The following RYR2 variants were observed in gnomAD, a reference collection of about 807,000 sequenced individuals.
RYR2 encodes ryanodine receptor 2, also known as cardiac muscle ryanodine receptor-calcium release channel.
In RYR2, 227 loss-of-function variants were observed where a neutral mutation model predicts 601.1. That is an observed-to-expected ratio of 0.38 (90% CI 0.34 to 0.42). The LOEUF (loss-of-function observed/expected upper bound fraction) is 0.42, where lower values mean the gene tolerates loss of function less well. RYR2 is among the 10% of genes least tolerant of loss of function. The pLI is 1.00. For missense variants in RYR2, 4,646 were observed against 6,156.5 expected (o/e 0.75, Z 8.21); for synonymous variants, 2,223 against 2,175.1 (o/e 1.02, Z -0.61).
chr1:237,395,232 A>G (rs999607781), intron 10 of RYR2, among the ~76,000 whole-genome samples: 4 of 152,208 alleles, frequency 2.6e-5, no homozygotes, highest in Admixed American at 2.6e-4. Flanking sequence ...TAAAACTTAG[A>G]TGGTAGAAAA....
At chr1:237,430,551 TGA>T (rs1706704194) in intron 12 of RYR2, among the ~76,000 whole-genome samples, 4 of 152,234 alleles carry the variant, frequency 2.6e-5, no homozygotes, top group Admixed American at 2.0e-4. Flanking sequence ...GGAAGCTGTA[TGA>T]GAATATGAAG....
At chr1:237,276,691 A>C (rs1054174958) in intron 2 of RYR2, among the ~76,000 whole-genome samples, 2 of 152,172 alleles carry the variant, frequency 1.3e-5, no homozygotes, top group Non-Finnish European at 2.9e-5. Context: ...GTCATAAGGG[A>C]CCATTTGTCT....
rs538380006 is a variant in RYR2 at position 237,626,534 on chromosome 1, A to C, written c.6166+730A>C. The stretch of plus-strand genomic sequence containing the variant: ...ACAAATTTGAGTCAAGTTTTCTTTA[A>C]AATCAGAGTTCAGTGTTTCTTTCTT... On this transcript the variant is annotated intron_variant, in intron 40 of 104. Coordinates refer to ENST00000366574, the MANE Select transcript of RYR2 (RefSeq NM_001035.3). 1.6e-3 allele frequency among the ~76,000 whole-genome samples: 237 copies of C among 151,070 alleles called. 1 individual carries two copies. Among genetic ancestry groups the C allele is most frequent in the African/African-American group, 5.4e-3 (223 of 41,196 alleles).
Position 237,436,993 on chromosome 1 carries a change from T to G in RYR2, c.1006-4326T>G, listed in dbSNP as rs542188679. ...CCAATGCCAAATATTACTTAATACT[T>G]TTCAGACCAATCGTTTTTACATCTG... On this transcript the variant is annotated intron_variant, in intron 12 of 104. Transcript: ENST00000366574. Among the ~76,000 whole-genome samples, 3 of 151,758 alleles carry G rather than the reference T, an allele frequency of 2.0e-5. No homozygotes were observed. In the South Asian group the frequency reaches 6.3e-4, roughly 32 times the overall value.
intron 26 of RYR2, among the ~76,000 whole-genome samples, chr1:237,549,991 TG>T (rs1440197134): frequency 1.3e-5 from 2 of 152,210 alleles, no homozygotes; most frequent in African/African-American, 4.8e-5. Flanking sequence ...AGACAAGTTA[TG>T]GGTTTCATAG....
chr1:237,268,010 G>C (rs1689237648), intron 1 of RYR2, among the ~76,000 whole-genome samples: 2 of 152,192 alleles, frequency 1.3e-5, no homozygotes, highest in Admixed American at 1.3e-4. Flanking sequence ...GGCATTCACT[G>C]TACTTTTGGT....
chr1:237,568,817 G>A (rs2805395), intron 28 of RYR2, among the ~76,000 whole-genome samples: 91,816 of 151,990 alleles, frequency 0.6, 30,100 homozygotes, highest in Non-Finnish European at 0.72. Context: ...GCAGAAAAAT[G>A]ATATATTCTA....
intron 2 of RYR2, among the ~76,000 whole-genome samples, chr1:237,324,798 T>G (rs973008448): frequency 4.6e-5 from 7 of 152,196 alleles, no homozygotes; most frequent in African/African-American, 1.7e-4. Flanking sequence ...AACTACATCA[T>G]TCATTTGCAA....
At chr1:237,669,890 G>C (rs1226806667) in intron 58 of RYR2, among the ~76,000 whole-genome samples, 2 of 152,026 alleles carry the variant, frequency 1.3e-5, no homozygotes, top group Non-Finnish European at 2.9e-5. Context: ...ACGGGGTGGC[G>C]GCCGGGCAGA....
chr1:237,569,364 G>A (rs1672422470), intron 29 of RYR2, 45 bp downstream of exon 29: 1 of 1,577,522 alleles, frequency 6.3e-7, no homozygotes, highest in Non-Finnish European at 8.6e-7. Flanking sequence ...TGCAGCACAA[G>A]GAAGCTTTCA....
intron 1 of RYR2, among the ~76,000 whole-genome samples, chr1:237,151,943 C>T (rs1003500717): frequency 3.3e-5 from 5 of 152,066 alleles, no homozygotes; most frequent in Admixed American, 2.6e-4. Context: ...CTGCACCCAT[C>T]AACTCGTCAC....
chr1:237,209,052 CATAT>C (rs1682244334), intron 1 of RYR2, among the ~76,000 whole-genome samples: 1 of 132,918 alleles, frequency 7.5e-6, no homozygotes, highest in Non-Finnish European at 1.6e-5. Context: ...ATTAATATAA[CATAT>C]GTATGTAACA....
At chr1:237,638,513 G>A (rs1681109016) in intron 45 of RYR2, 21 bp downstream of exon 45, 1 of 1,611,986 alleles carries the variant, frequency 6.2e-7, no homozygotes, top group African/African-American at 1.3e-5. Context: ...ATTTCTTGAG[G>A]TCTTTTGAGT....
At chr1:237,225,193 A>G (rs1300982143) in intron 1 of RYR2, among the ~76,000 whole-genome samples, 2 of 152,192 alleles carry the variant, frequency 1.3e-5, no homozygotes, top group Non-Finnish European at 2.9e-5. Context: ...GAAATAAAAG[A>G]GGAAGGCAGA....
rs751468821 is a variant in RYR2, at chr1:237,674,165, A to C, written c.8660A>C (p.Glu2887Ala). 6.2e-7 allele frequency: 1 copy of C among 1,612,672 alleles called. No individual in the cohort carries two copies. Among genetic ancestry groups the C allele is most frequent in the East Asian group, 2.2e-5 (1 of 44,844 alleles). The change falls in exon 59 of 105, where the codon GAA becomes GCA. Residue 2887 changes from glutamate (E) to alanine (A), a missense_variant. By Grantham distance (107) the Glu-to-Ala change is moderately radical. Transcript: ENST00000366574. ...LTAKEKAKDR[E>A]KAQDILKFLQ... ...GCCAAAGAGAAAGCCAAGGATAGAG[A>C]AAAAGCACAGGACATCCTCAAGTTC...
At chr1:237,324,742 C>A (rs1395356954) in intron 2 of RYR2, among the ~76,000 whole-genome samples, 1 of 152,336 alleles carries the variant, frequency 6.6e-6, no homozygotes, top group East Asian at 1.9e-4. Context: ...GATCTGAATT[C>A]CATGTTCCTG....
intron 27 of RYR2, among the ~76,000 whole-genome samples, chr1:237,558,183 T>C (rs1220010010): frequency 6.6e-6 from 1 of 152,002 alleles, no homozygotes; most frequent in Admixed American, 6.5e-5. Flanking sequence ...CTAAGGTTAG[T>C]AGGAAAGAAG....
chr1:237,391,279 A>G (rs530974627), intron 10 of RYR2, among the ~76,000 whole-genome samples: 2 of 152,272 alleles, frequency 1.3e-5, no homozygotes, highest in South Asian at 4.1e-4. Flanking sequence ...GACATGCATA[A>G]TGATCATCTA....
Position 237,795,836 on chromosome 1 carries a change from G to GTGTGTATATATA in RYR2, c.13956+506_13956+507insGTGTATATATAT, listed in dbSNP as rs371932356. Among the ~76,000 whole-genome samples, 913 of 132,656 alleles carry GTGTGTATATATA rather than the reference G, an allele frequency of 6.9e-3. 4 individuals are homozygous for GTGTGTATATATA. The highest frequency in any genetic ancestry group is 0.025 in the Middle Eastern group (6 of 240). The allele number at this position is 132,656 out of a possible 152,430, so 87.0% of individuals were successfully genotyped here. On this transcript the variant is annotated intron_variant, in intron 96 of 104. Coordinates refer to ENST00000366574, the MANE Select transcript of RYR2 (RefSeq NM_001035.3). ...TATACAGGTATGTATGTGTGTGTGT[G>GTGTGTATATATA]TATATATATATATGTATATGTATAT...
Sources: allele counts gnomAD v4.1 joint callset (sites outside exome capture counted in the v4.1 genomes callset), GRCh38; gene constraint gnomAD v4.1.1; transcripts MANE v1.5; gene names NCBI Gene and HGNC (gene_info 2026-07-23, HGNC 2026-07-21).